The following FBXW7 variants were observed in gnomAD, a reference collection of about 807,000 sequenced individuals.
FBXW7 encodes the protein F-box/WD repeat-containing protein 7.
In FBXW7, 11 loss-of-function variants were observed where a neutral mutation model predicts 86.3. The observed-to-expected ratio is 0.13, with a 90% CI of 0.08 to 0.21. FBXW7 has a LOEUF of 0.21. Among genes scored for constraint, FBXW7 ranks in the 10% least tolerant of loss-of-function variants. The pLI, the probability that FBXW7 is intolerant of heterozygous loss-of-function variation, is 1.00. For synonymous variants in FBXW7, 313 were observed against 297.9 expected (o/e 1.05, Z -0.52); for missense variants, 488 against 847.4 (o/e 0.58, Z 5.27).
chr4:152,331,044 T>TGCCATTC, intron 8 of FBXW7, among the ~76,000 whole-genome samples, 176 bp from the exon 9 acceptor site: 1 of 152,154 alleles, frequency 6.6e-6, no homozygotes, highest in Admixed American at 6.6e-5. Context: ...AATGTAAAGT[T>TGCCATTC]TACATTCTAT....
intron 2 of FBXW7, among the ~76,000 whole-genome samples, chr4:152,438,626 GAT>G (rs1363826719): frequency 6.6e-6 from 1 of 152,142 alleles, no homozygotes; most frequent in African/African-American, 2.4e-5. Flanking sequence ...AGTGAGCCGA[GAT>G]TACATCACTG....
intron 2 of FBXW7, among the ~76,000 whole-genome samples, chr4:152,529,257 A>G (rs982969597): frequency 6.6e-6 from 1 of 152,214 alleles, no homozygotes; most frequent in Admixed American, 6.5e-5. Flanking sequence ...ATTTTTTAAA[A>G]TAATAAGGAA....
intron 2 of FBXW7, among the ~76,000 whole-genome samples, chr4:152,469,780 T>C (rs751247701): frequency 8.5e-5 from 13 of 152,210 alleles, no homozygotes; most frequent in Middle Eastern, 3.4e-3. Context: ...GAGAAAAGGA[T>C]TGGAATAGGT....
At chr4:152,374,891 G>C (rs1055933624) in intron 4 of FBXW7, among the ~76,000 whole-genome samples, 8 of 152,006 alleles carry the variant, frequency 5.3e-5, no homozygotes, top group Non-Finnish European at 8.8e-5. Flanking sequence ...TACAGGAGGG[G>C]GGGGGATGAT....
chr4:152,385,321 T>C (rs1020047401), intron 4 of FBXW7, among the ~76,000 whole-genome samples: 5 of 152,002 alleles, frequency 3.3e-5, no homozygotes, highest in African/African-American at 1.2e-4. Flanking sequence ...AAAGACCTAG[T>C]TAGCCATCAG....
At chr4:152,356,376 T>C (rs561046869) in intron 4 of FBXW7, among the ~76,000 whole-genome samples, 2 of 151,808 alleles carry the variant, frequency 1.3e-5, no homozygotes, top group South Asian at 2.1e-4. Context: ...CTAAAAAGTT[T>C]ATAATTAGTG....
intron 2 of FBXW7, among the ~76,000 whole-genome samples, chr4:152,524,593 C>T (rs144315272): frequency 6.6e-6 from 1 of 152,246 alleles, no homozygotes; most frequent in African/African-American, 2.4e-5. Flanking sequence ...CTCATGTCCA[C>T]AACCCAAAGA....
chr4:152,371,643 T>C (rs993850937), intron 4 of FBXW7, among the ~76,000 whole-genome samples: 13 of 151,982 alleles, frequency 8.6e-5, no homozygotes, highest in African/African-American at 3.1e-4. Flanking sequence ...TATAATTTAA[T>C]AAAGGAGTCT....
intron 4 of FBXW7, among the ~76,000 whole-genome samples, chr4:152,375,149 C>T (rs1230456498): frequency 6.6e-6 from 1 of 151,854 alleles, no homozygotes; most frequent in African/African-American, 2.4e-5. Context: ...AAATGTAATG[C>T]TAAGTAACAG....
intron 4 of FBXW7, among the ~76,000 whole-genome samples, chr4:152,362,304 T>C (rs1230527911): frequency 6.6e-6 from 1 of 152,084 alleles, no homozygotes; most frequent in Non-Finnish European, 1.5e-5. Flanking sequence ...TTCATAATTA[T>C]ACAATATGAA....
At chr4:152,504,576 C>T (rs1747240257) in intron 2 of FBXW7, among the ~76,000 whole-genome samples, 3 of 152,044 alleles carry the variant, frequency 2.0e-5, no homozygotes, top group Admixed American at 2.0e-4. Flanking sequence ...AAACATGAAC[C>T]AGTTTTACCA....
rs35314407 is a variant in FBXW7, at chr4:152,412,402, T to G, written c.-70+78A>C. ...AGCAGGTAACAATTATAATCATTAT[T>G]ATTTTAATTTTTTTACAAATGACTG... On this transcript the variant is annotated intron_variant, in intron 3 of 13. Transcript: ENST00000281708. 2.0e-5 allele frequency: 3 copies of G among 151,954 alleles called. No individual in the cohort carries two copies. In the East Asian group the frequency reaches 5.8e-4, roughly 29 times the overall value. The allele number at this position is 151,954 out of a possible 1,614,324, so 9.4% of individuals were successfully genotyped here. A position where few individuals can be genotyped will look rare whatever the true frequency, so the allele number is the denominator to read the frequency against.
chr4:152,337,980 C>T (rs1730326569), intron 6 of FBXW7, 44 bp from the exon 7 acceptor site: 1 of 1,565,204 alleles, frequency 6.4e-7, no homozygotes, highest in African/African-American at 1.4e-5. Flanking sequence ...AACAGATGTC[C>T]CAAATTACAG....
intron 2 of FBXW7, among the ~76,000 whole-genome samples, chr4:152,428,337 T>C (rs1421714485): frequency 6.6e-6 from 1 of 152,218 alleles, no homozygotes; most frequent in African/African-American, 2.4e-5. Flanking sequence ...ATTTTATAAA[T>C]ATAAAATTCA....
Position 152,322,829 on chromosome 4 carries a change from G to A in FBXW7, c.*52C>T, listed in dbSNP as rs1478006461. The stretch of plus-strand genomic sequence containing the variant: ...TCTTTTTTTCTTTTTGCAGGGGGAA[G>A]GGCAGGGAGTATATCGTCTACACAA... On this transcript the variant is annotated 3_prime_UTR_variant, in exon 14 of 14. Coordinates refer to ENST00000281708, the MANE Select transcript of FBXW7 (RefSeq NM_001349798.2). 2.5e-6 allele frequency: 4 copies of A among 1,593,328 alleles called. No homozygotes were observed. Among genetic ancestry groups the A allele is most frequent in the Non-Finnish European group, 3.4e-6 (4 of 1,167,742 alleles).
intron 4 of FBXW7, among the ~76,000 whole-genome samples, chr4:152,394,069 C>A (rs1369410140): frequency 6.6e-6 from 1 of 151,968 alleles, no homozygotes; most frequent in East Asian, 1.9e-4. Flanking sequence ...TAGAAGTTAC[C>A]CTAATAATTT....
chr4:152,455,471 C>T (rs1742319083), intron 2 of FBXW7, among the ~76,000 whole-genome samples: 1 of 152,222 alleles, frequency 6.6e-6, no homozygotes, highest in Non-Finnish European at 1.5e-5. Flanking sequence ...CACATTTTCT[C>T]TACTGTGCTC....
intron 8 of FBXW7, among the ~76,000 whole-genome samples, chr4:152,332,109 C>CAA (rs201224250): frequency 6.6e-6 from 1 of 150,860 alleles, no homozygotes; most frequent in African/African-American, 2.4e-5. Context: ...AAAACAAAAA[C>CAA]AAAAAAAACA....
At chr4:152,419,737 C>CA (rs1006083078) in intron 2 of FBXW7, among the ~76,000 whole-genome samples, 8 of 151,878 alleles carry the variant, frequency 5.3e-5, no homozygotes, top group Non-Finnish European at 7.4e-5. Context: ...CAGCAGGTCA[C>CA]AAAAAATGTT....
Sources: allele counts gnomAD v4.1 joint callset (sites outside exome capture counted in the v4.1 genomes callset), GRCh38; gene constraint gnomAD v4.1.1; transcripts MANE v1.5; gene names NCBI Gene and HGNC (gene_info 2026-07-23, HGNC 2026-07-21).